Variants in TSPAN12 observed in about 807,000 individuals in gnomAD.
TSPAN12 encodes tetraspanin-12.
TSPAN12 carries 19 observed loss-of-function variants against 39.2 expected under a neutral mutation model. That is an observed-to-expected ratio of 0.49 (90% CI 0.34 to 0.71). TSPAN12 has a LOEUF of 0.71. Among genes scored for constraint, TSPAN12 ranks in the 30% least tolerant of loss-of-function variants. TSPAN12 has a pLI of 0.01. For missense variants in TSPAN12, 314 were observed against 359.9 expected (o/e 0.87, Z 1.03); for synonymous variants, 119 against 124.8 (o/e 0.95, Z 0.31).
At chr7:120,798,883 T>C (rs941397531) in intron 7 of TSPAN12, among the ~76,000 whole-genome samples, 1 of 152,196 alleles carries the variant, frequency 6.6e-6, no homozygotes, top group African/African-American at 2.4e-5. Context: ...TCTTTAAGAT[T>C]AGAAGCCCAA....
intron 4 of TSPAN12, among the ~76,000 whole-genome samples, chr7:120,825,017 C>T (rs1023297847): frequency 6.6e-6 from 1 of 152,024 alleles, no homozygotes; most frequent in East Asian, 1.9e-4. Context: ...CTAAAGAAAA[C>T]AAAAAACTCT....
rs553058637 is a variant in TSPAN12 at position 120,845,713 on chromosome 7, C to G, written c.67-5604G>C. Among the ~76,000 whole-genome samples, 10 of 152,334 alleles carry G rather than the reference C, an allele frequency of 6.6e-5. No individual in the cohort carries two copies. The South Asian group carries it at 2.1e-3, about 32-fold the overall frequency. ...CATCTTCATCTCAGACCACATCAGT[C>G]TGGACTTCATTTGTCAATATTACTA... is the stretch of plus-strand genomic sequence containing the variant. On this transcript the variant is annotated intron_variant, in intron 2 of 7. Coordinates refer to ENST00000222747, the MANE Select transcript of TSPAN12 (RefSeq NM_012338.4).
At chr7:120,836,857 A>G (rs1439617734) in intron 4 of TSPAN12, among the ~76,000 whole-genome samples, 3 of 152,248 alleles carry the variant, frequency 2.0e-5, no homozygotes, top group Non-Finnish European at 4.4e-5. Flanking sequence ...CATTACTAGC[A>G]TCTAAGCAGC....
chr7:120,830,988 A>C (rs1482796288), intron 4 of TSPAN12, among the ~76,000 whole-genome samples: 1 of 152,144 alleles, frequency 6.6e-6, no homozygotes, highest in Non-Finnish European at 1.5e-5. Context: ...AAGGACCTGA[A>C]CAGACATTTC....
chr7:120,855,052 C>A (rs1347499270), intron 2 of TSPAN12, among the ~76,000 whole-genome samples: 1 of 152,180 alleles, frequency 6.6e-6, no homozygotes, highest in Non-Finnish European at 1.5e-5. Context: ...ATGCAAATTT[C>A]ATTTCCAAGA....
chr7:120,833,191 T>C (rs891201158), intron 4 of TSPAN12, among the ~76,000 whole-genome samples: 1 of 152,108 alleles, frequency 6.6e-6, no homozygotes, highest in African/African-American at 2.4e-5. Flanking sequence ...AATCTTCATT[T>C]AGAAATAAAG....
chr7:120,853,248 G>A (rs1437909190), intron 2 of TSPAN12, among the ~76,000 whole-genome samples: 2 of 151,448 alleles, frequency 1.3e-5, no homozygotes, highest in African/African-American at 4.8e-5. Context: ...TGCACGCCAC[G>A]ACACCCGGCT....
intron 2 of TSPAN12, among the ~76,000 whole-genome samples, chr7:120,843,004 GTTAA>G (rs1183942807): frequency 7.9e-5 from 12 of 152,040 alleles, no homozygotes; most frequent in African/African-American, 2.9e-4. Context: ...ATTAATCACT[GTTAA>G]TTAATATTAC....
chr7:120,828,654 CCTTTTT>C (rs1164686206), intron 4 of TSPAN12, among the ~76,000 whole-genome samples: 53 of 144,450 alleles, frequency 3.7e-4, no homozygotes, highest in Admixed American at 4.9e-4. Context: ...TTTTCTTTCT[CCTTTTT>C]TTTTTTTTTT....
intron 6 of TSPAN12, among the ~76,000 whole-genome samples, chr7:120,807,164 G>A (rs760101646): frequency 1.3e-5 from 2 of 152,058 alleles, no homozygotes; most frequent in African/African-American, 2.4e-5. Context: ...ATCACAAAAA[G>A]TTAGCAGACA....
At chr7:120,806,438 G>T in intron 7 of TSPAN12, 111 bp downstream of exon 7, 2 of 1,210,864 alleles carry the variant, frequency 1.7e-6, no homozygotes, top group Non-Finnish European at 2.3e-6. Context: ...AAATTTTAAG[G>T]CCTTTTACAT....
At chr7:120,837,771 T>C (rs1317714163) in intron 4 of TSPAN12, among the ~76,000 whole-genome samples, 10 of 152,256 alleles carry the variant, frequency 6.6e-5, no homozygotes, top group Admixed American at 5.9e-4. Context: ...TGACTTGGCA[T>C]GGGAGCCAGT....
Position 120,801,893 on chromosome 7 carries a change from G to GAAAA in TSPAN12, c.612+4652_612+4655dup, listed in dbSNP as rs780879343. On this transcript the variant is annotated intron_variant, in intron 7 of 7. Coordinates refer to ENST00000222747, the MANE Select transcript of TSPAN12 (RefSeq NM_012338.4). ...GGAAAGCTATGGCTCTTATTTCCTG[G>GAAAA]AAAAAAAATGGATATAAAATATTGA... Among the ~76,000 whole-genome samples, 176 of 151,582 alleles carry GAAAA rather than the reference G, an allele frequency of 1.2e-3. 1 individual carries two copies. The highest frequency in any genetic ancestry group is 1.9e-3 in the Non-Finnish European group (129 of 67,888).
intron 3 of TSPAN12, among the ~76,000 whole-genome samples, 187 bp downstream of exon 3, chr7:120,839,840 C>G (rs186101624): frequency 3.2e-4 from 49 of 152,232 alleles, no homozygotes; most frequent in Non-Finnish European, 6.5e-4. Context: ...GCCACCTGAT[C>G]CCCTGCTAGG....
chr7:120,825,766 G>C (rs979465406), intron 4 of TSPAN12, among the ~76,000 whole-genome samples: 1 of 152,052 alleles, frequency 6.6e-6, no homozygotes, highest in African/African-American at 2.4e-5. Flanking sequence ...AGAATCCATG[G>C]GGACTAAAAT....
At position 120,810,463 on chromosome 7, in the gene TSPAN12, C is replaced by G. The variant is rs762144127; in HGVS notation, c.468G>C (p.Glu156Asp). ...CTACCTCAGAAATTGTAGCACTTACCTCTCTCTGAAAAAAATTCCAAGCAT... is the reference window on the plus strand; with the variant it reads ...CTACCTCAGAAATTGTAGCACTTACGTCTCTCTGAAAAAAATTCCAAGCAT... ...LTHAWNFFQR[E>D]FKCCGVVYFT... is the part of the protein sequence containing the mutation. The change falls in exon 6 of 8, where the codon GAG (glutamate) becomes GAC (aspartate). Residue 156 changes from glutamate to aspartate, a missense_variant and splice_region_variant. Transcript: ENST00000222747. 11 of 1,593,250 alleles carry G rather than the reference C, an allele frequency of 6.9e-6. No individual in the cohort carries two copies. In the South Asian group the frequency reaches 1.2e-4, roughly 18 times the overall value.
chr7:120,846,123 T>C (rs1313455704), intron 2 of TSPAN12, among the ~76,000 whole-genome samples: 1 of 152,118 alleles, frequency 6.6e-6, no homozygotes, highest in Non-Finnish European at 1.5e-5. Flanking sequence ...GGGGAGGTGC[T>C]ACACACTTTT....
At chr7:120,812,297 C>T (rs1231162868) in intron 5 of TSPAN12, among the ~76,000 whole-genome samples, 1 of 152,108 alleles carries the variant, frequency 6.6e-6, no homozygotes, top group Non-Finnish European at 1.5e-5. Context: ...TTGAGGTATA[C>T]AAATGCAAAT....
intron 4 of TSPAN12, among the ~76,000 whole-genome samples, chr7:120,830,958 A>G (rs1260754600): frequency 1.3e-5 from 2 of 152,100 alleles, no homozygotes; most frequent in African/African-American, 2.4e-5. Context: ...AAAGTAAATA[A>G]CCCAATTAAA....
Sources: gnomAD v4.1 joint callset for allele counts (sites outside exome capture counted in the v4.1 genomes callset) on GRCh38, gnomAD v4.1.1 for gene constraint, MANE v1.5 for transcripts, NCBI Gene and HGNC (gene_info 2026-07-23, HGNC 2026-07-21) for gene names.